Variants in LRP1B observed in about 807,000 individuals in gnomAD.
LRP1B encodes low-density lipoprotein receptor-related protein 1B.
In LRP1B, 217 loss-of-function variants were observed where a neutral mutation model predicts 556.6. That is an observed-to-expected ratio of 0.39 (90% confidence interval 0.35 to 0.44). LRP1B has a LOEUF of 0.44. LRP1B is among the 20% of genes least tolerant of loss of function. LRP1B has a pLI of 1.00. For synonymous variants in LRP1B, 2,047 were observed against 1,865.8 expected (o/e 1.10, Z -2.50); for missense variants, 5,053 against 5,620.8 (o/e 0.90, Z 3.23).
intron 2 of LRP1B, among the ~76,000 whole-genome samples, chr2:141,656,069 C>G (rs762583145): frequency 2.0e-5 from 3 of 152,068 alleles, no homozygotes; most frequent in Non-Finnish European, 4.4e-5. Flanking sequence ...AATGGAGAAA[C>G]TGAGACACAA....
chr2:141,423,296 T>C (rs1035106471), intron 3 of LRP1B, among the ~76,000 whole-genome samples: 2 of 114,262 alleles, frequency 1.8e-5, no homozygotes, highest in African/African-American at 2.9e-5. Context: ...AGAGCTTTTT[T>C]TTTTTTTTTT....
At chr2:140,790,066 T>C (rs1690058861) in intron 32 of LRP1B, among the ~76,000 whole-genome samples, 1 of 152,128 alleles carries the variant, frequency 6.6e-6, no homozygotes, top group Admixed American at 6.6e-5. Context: ...GCTCTCTTAT[T>C]TTATTTCACA....
At chr2:141,622,729 A>G (rs1031077368) in intron 2 of LRP1B, among the ~76,000 whole-genome samples, 1 of 152,140 alleles carries the variant, frequency 6.6e-6, no homozygotes, top group African/African-American at 2.4e-5. Flanking sequence ...GCTAGTAACT[A>G]TCCTATTTTT....
chr2:141,569,321 A>C (rs1420030354), intron 2 of LRP1B, among the ~76,000 whole-genome samples: 1 of 151,024 alleles, frequency 6.6e-6, no homozygotes, highest in African/African-American at 2.4e-5. Flanking sequence ...GATTTTAAGC[A>C]GGCCCTAGAA....
At chr2:141,913,908 A>C (rs1574487836) in intron 1 of LRP1B, among the ~76,000 whole-genome samples, 1 of 152,086 alleles carries the variant, frequency 6.6e-6, no homozygotes, top group Non-Finnish European at 1.5e-5. Flanking sequence ...CACCACACCC[A>C]GGTAATTTTT....
At chr2:140,311,993 A>G (rs779898928) in intron 83 of LRP1B, among the ~76,000 whole-genome samples, 2 of 151,856 alleles carry the variant, frequency 1.3e-5, no homozygotes, top group Non-Finnish European at 2.9e-5. Flanking sequence ...GAGCAATTCT[A>G]CCATCTGATG....
chr2:141,094,365 T>C (rs895895296), intron 7 of LRP1B, among the ~76,000 whole-genome samples: 9 of 152,294 alleles, frequency 5.9e-5, no homozygotes, highest in Admixed American at 6.5e-5. Context: ...TTTAAAAATA[T>C]GTTTATTAAA....
At chr2:141,003,563 A>G (rs1697485572) in intron 15 of LRP1B, among the ~76,000 whole-genome samples, 1 of 152,008 alleles carries the variant, frequency 6.6e-6, no homozygotes, top group Admixed American at 6.6e-5. Flanking sequence ...TGATTATTTT[A>G]AAAACAGGGA....
intron 7 of LRP1B, among the ~76,000 whole-genome samples, chr2:141,183,460 T>A (rs1205407215): frequency 6.6e-6 from 1 of 152,008 alleles, no homozygotes; most frequent in Non-Finnish European, 1.5e-5. Flanking sequence ...GAAAGGGTTT[T>A]TTAAACTCTT....
intron 6 of LRP1B, among the ~76,000 whole-genome samples, chr2:141,220,995 T>C (rs1683013111): frequency 6.6e-6 from 1 of 152,094 alleles, no homozygotes; most frequent in African/African-American, 2.4e-5. Flanking sequence ...ATGAAGCAAC[T>C]ACATTAACAA....
intron 20 of LRP1B, among the ~76,000 whole-genome samples, chr2:140,949,399 C>T (rs548582761): frequency 6.6e-6 from 1 of 152,056 alleles, no homozygotes; most frequent in African/African-American, 2.4e-5. Context: ...GCAAAGTAAG[C>T]CAGGCGAATG....
chr2:141,231,519 C>G (rs1309376182), intron 5 of LRP1B, among the ~76,000 whole-genome samples: 2 of 152,132 alleles, frequency 1.3e-5, no homozygotes, highest in African/African-American at 4.8e-5. Flanking sequence ...AGAGATGGTC[C>G]AGTGGCTGCA....
intron 2 of LRP1B, among the ~76,000 whole-genome samples, chr2:141,797,128 T>C (rs2105677630): frequency 7.3e-6 from 1 of 136,936 alleles, no homozygotes; most frequent in Non-Finnish European, 1.6e-5. Context: ...CCAGTTAAAG[T>C]TTAACTTTGA....
intron 41 of LRP1B, among the ~76,000 whole-genome samples, chr2:140,602,353 C>G (rs1682705844): frequency 6.6e-6 from 1 of 151,960 alleles, no homozygotes; most frequent in African/African-American, 2.4e-5. Flanking sequence ...AAATTGTATT[C>G]CCAATCTCTA....
chr2:141,344,181 C>T, intron 3 of LRP1B, among the ~76,000 whole-genome samples: 1 of 152,272 alleles, frequency 6.6e-6, no homozygotes, highest in East Asian at 1.9e-4. Context: ...GTCATGTCCC[C>T]TTGGCTGGAA....
At chr2:141,836,256 T>G (rs1014604684) in intron 1 of LRP1B, among the ~76,000 whole-genome samples, 1 of 152,030 alleles carries the variant, frequency 6.6e-6, no homozygotes, top group Non-Finnish European at 1.5e-5. Context: ...ATATAATTTA[T>G]AATTTATTAG....
At chr2:140,441,214 AAAATACAG>A (rs1168122654) in intron 66 of LRP1B, among the ~76,000 whole-genome samples, 5 of 152,192 alleles carry the variant, frequency 3.3e-5, no homozygotes, top group African/African-American at 1.2e-4. Context: ...GAAGGAGAGG[AAAATACAG>A]AAATAACACT....
chr2:140,463,781 T>C (rs146944302), intron 60 of LRP1B, among the ~76,000 whole-genome samples: 1 of 152,330 alleles, frequency 6.6e-6, no homozygotes, highest in Non-Finnish European at 1.5e-5. Flanking sequence ...AAGTAGATTA[T>C]ATGCTAACTT....
chr2:140,466,028 G>A (rs1156332344), intron 60 of LRP1B, among the ~76,000 whole-genome samples: 5 of 150,942 alleles, frequency 3.3e-5, no homozygotes, highest in Admixed American at 6.6e-5. Flanking sequence ...GTACTAAAAT[G>A]CAATATCTTA....
Sources: allele counts gnomAD v4.1 joint callset (sites outside exome capture counted in the v4.1 genomes callset), GRCh38; gene constraint gnomAD v4.1.1; transcripts MANE v1.5; gene names NCBI Gene and HGNC (gene_info 2026-07-23, HGNC 2026-07-21).